Variants in MACROD2 observed in about 807,000 individuals in gnomAD.
MACROD2 encodes the protein ADP-ribose glycohydrolase MACROD2.
A neutral mutation model predicts 70.4 loss-of-function variants in MACROD2; 36 were observed. The ratio of observed to expected loss-of-function variants is 0.51; its 90% CI spans 0.39 to 0.68. The LOEUF is 0.68. Among genes scored for constraint, MACROD2 ranks in the 30% least tolerant of loss-of-function variants. The pLI is 0.00. For missense variants in MACROD2, 496 were observed against 538.4 expected, an observed-to-expected ratio of 0.92 and a Z score of 0.78; for synonymous variants, 172 against 178.8, an observed-to-expected ratio of 0.96 and a Z score of 0.30.
chr20:15,093,350 G>T (rs1273303710), intron 5 of MACROD2, among the ~76,000 whole-genome samples: 1 of 152,114 alleles, frequency 6.6e-6, no homozygotes, highest in Non-Finnish European at 1.5e-5. Context: ...ACTAATGATT[G>T]GTGGGCCGGG....
intron 3 of MACROD2, among the ~76,000 whole-genome samples, chr20:14,380,367 T>G (rs949763441): frequency 1.3e-5 from 2 of 152,108 alleles, no homozygotes; most frequent in Non-Finnish European, 2.9e-5. Flanking sequence ...TAGGTTGTCT[T>G]TTCACTCTCT....
chr20:14,190,698 ATTTTTTTTTTTTT>A (rs1161419446), intron 3 of MACROD2, among the ~76,000 whole-genome samples: 14 of 28,084 alleles, frequency 5.0e-4, no homozygotes, highest in African/African-American at 1.6e-3. Flanking sequence ...ATATATATAT[ATTTTTTTTTTTTT>A]TTTTTTTTTT....
chr20:15,438,319 T>C (rs908450762), intron 7 of MACROD2, among the ~76,000 whole-genome samples: 2 of 152,204 alleles, frequency 1.3e-5, no homozygotes. Flanking sequence ...TGTTCCCTTT[T>C]CTCTGCAACC....
At chr20:14,023,704 G>A (rs1018950118) in intron 2 of MACROD2, among the ~76,000 whole-genome samples, 3 of 152,138 alleles carry the variant, frequency 2.0e-5, no homozygotes, top group African/African-American at 7.2e-5. Context: ...AAGATCAGAT[G>A]GCTGTAGATG....
intron 3 of MACROD2, chr20:14,329,095 T>A (rs1197352503): frequency 6.6e-6 from 1 of 152,132 alleles, no homozygotes; most frequent in Admixed American, 6.6e-5. Flanking sequence ...TATCCAAGTA[T>A]AAACTTTGTA....
At chr20:14,933,215 T>G (rs1346658783) in intron 5 of MACROD2, among the ~76,000 whole-genome samples, 3 of 152,130 alleles carry the variant, frequency 2.0e-5, no homozygotes, top group African/African-American at 7.2e-5. Context: ...GATTGAGGTC[T>G]TATTCAAAAT....
chr20:15,597,162 C>T (rs1314797269), intron 8 of MACROD2, among the ~76,000 whole-genome samples: 1 of 152,104 alleles, frequency 6.6e-6, no homozygotes, highest in Non-Finnish European at 1.5e-5. Context: ...CATTCTTCTC[C>T]CACAAGGAGG....
intron 5 of MACROD2, among the ~76,000 whole-genome samples, chr20:15,005,254 G>C (rs2075026636): frequency 6.6e-6 from 1 of 152,090 alleles, no homozygotes; most frequent in Non-Finnish European, 1.5e-5. Flanking sequence ...TATCACTGTG[G>C]TTGGCTTTAA....
At chr20:14,673,272 T>G (rs1228799856) in intron 4 of MACROD2, among the ~76,000 whole-genome samples, 1 of 152,202 alleles carries the variant, frequency 6.6e-6, no homozygotes. Flanking sequence ...TGGTTTCATG[T>G]GTCCAGTGAA....
chr20:15,397,704 A>G (rs1252473889), intron 6 of MACROD2, among the ~76,000 whole-genome samples: 42 of 152,242 alleles, frequency 2.8e-4, no homozygotes, highest in Admixed American at 2.7e-3. Context: ...CTTGAGATAT[A>G]GGAATCTGAT....
chr20:14,368,412 G>A (rs368338109), intron 3 of MACROD2, among the ~76,000 whole-genome samples: 4 of 151,954 alleles, frequency 2.6e-5, no homozygotes, highest in African/African-American at 7.2e-5. Context: ...GTGCGGTGGC[G>A]GGTGCCTGTA....
chr20:14,326,641 C>A lies in MACROD2; in HGVS notation c.272-166838C>A. ...TATATTGTCCAAATCATCAAAGATA[C>A]CCTGAGGTAAATTACTTAGGTTATT... On this transcript the variant is annotated intron_variant, in intron 3 of 17. Transcript: ENST00000684519. The surrounding 1 kb of genome is among the most constrained non-coding windows in gnomAD (Gnocchi z 5.5). 6.2e-7 allele frequency: 1 copy of A among 1,613,758 alleles called. No individual in the cohort carries two copies. Among genetic ancestry groups the A allele is most frequent in the South Asian group, 1.1e-5 (1 of 91,078 alleles).
chr20:15,021,307 T>TATGC (rs1329099298), intron 5 of MACROD2, among the ~76,000 whole-genome samples: 3 of 140,710 alleles, frequency 2.1e-5, no homozygotes, highest in East Asian at 2.3e-4. Context: ...TATGCACATA[T>TATGC]ACATATACAT....
intron 3 of MACROD2, among the ~76,000 whole-genome samples, chr20:14,286,642 A>G (rs900313661): frequency 2.0e-5 from 3 of 152,178 alleles, no homozygotes; most frequent in African/African-American, 4.8e-5. Flanking sequence ...TCCATTATAT[A>G]TAATGGCTTA....
chr20:15,389,762 T>C (rs555484127), intron 6 of MACROD2, among the ~76,000 whole-genome samples: 33 of 152,322 alleles, frequency 2.2e-4, no homozygotes, highest in African/African-American at 7.9e-4. Flanking sequence ...AGTTCTCTTC[T>C]TGGCCCCAAG....
chr20:15,582,381 T>C (rs113252007), intron 8 of MACROD2, among the ~76,000 whole-genome samples: 6,528 of 152,282 alleles, frequency 0.043, 175 homozygotes, highest in Middle Eastern at 0.078. Flanking sequence ...CTGGGAGGCA[T>C]GTCATGAGTG....
intron 5 of MACROD2, among the ~76,000 whole-genome samples, chr20:15,111,169 TTTTGTTTG>T (rs1219830796): frequency 3.9e-5 from 4 of 103,408 alleles, no homozygotes; most frequent in African/African-American, 1.7e-4. Context: ...GTTTGTTTGT[TTTTGTTTG>T]TTTTTTTTTT....
intron 5 of MACROD2, among the ~76,000 whole-genome samples, chr20:14,777,268 G>A (rs2072245837): frequency 6.6e-6 from 1 of 152,022 alleles, no homozygotes; most frequent in Non-Finnish European, 1.5e-5. Context: ...GTACTGGGTT[G>A]TTTTCAATGA....
At chr20:14,875,555 T>C (rs1449055753) in intron 5 of MACROD2, among the ~76,000 whole-genome samples, 2 of 152,140 alleles carry the variant, frequency 1.3e-5, no homozygotes, top group East Asian at 3.9e-4. Flanking sequence ...TGTGTGATGC[T>C]GAGGTTTGGG....
Sources: gnomAD v4.1 joint callset for allele counts (sites outside exome capture counted in the v4.1 genomes callset) on GRCh38, gnomAD v4.1.1 for gene constraint, Gnocchi (gnomAD v3.1) non-coding constraint, MANE v1.5 for transcripts, NCBI Gene and HGNC (gene_info 2026-07-23, HGNC 2026-07-21) for gene names.